The following CLVS1 variants were observed in gnomAD, a reference collection of about 807,000 sequenced individuals.
CLVS1 encodes the protein clavesin-1.
Under a neutral mutation model 33.1 loss-of-function variants are expected in CLVS1, and 10 were observed. The ratio of observed to expected loss-of-function variants is 0.30; its 90% CI spans 0.19 to 0.51. CLVS1 has a LOEUF of 0.51. Ranked by LOEUF, CLVS1 falls within the 20% of genes least tolerant of loss-of-function variation. The pLI, the probability that CLVS1 is intolerant of heterozygous loss-of-function variation, is 0.97. For synonymous variants in CLVS1, 163 were observed against 166.1 expected (o/e 0.98, Z 0.14); for missense variants, 343 against 433.4 (o/e 0.79, Z 1.85).
At chr8:61,487,837 CT>C (rs1455801527) in intron 5 of CLVS1, among the ~76,000 whole-genome samples, 2 of 152,224 alleles carry the variant, frequency 1.3e-5, no homozygotes, top group Non-Finnish European at 2.9e-5. Context: ...ACTAGCCATC[CT>C]TTTCAAACTC....
At chr8:61,406,006 T>C (rs894588861) in intron 3 of CLVS1, among the ~76,000 whole-genome samples, 2 of 152,332 alleles carry the variant, frequency 1.3e-5, no homozygotes, top group African/African-American at 4.8e-5. Context: ...AAAAATACTT[T>C]AAGGTGCCTG....
At chr8:61,092,274 A>G (rs1274549634) in intron 1 of CLVS1, among the ~76,000 whole-genome samples, 6 of 152,208 alleles carry the variant, frequency 3.9e-5, no homozygotes, top group Admixed American at 2.0e-4. Context: ...GAAACCAGGC[A>G]TGTAGGTTAT....
At chr8:61,437,475 T>C (rs1816374067) in intron 3 of CLVS1, among the ~76,000 whole-genome samples, 1 of 152,216 alleles carries the variant, frequency 6.6e-6, no homozygotes, top group African/African-American at 2.4e-5. Flanking sequence ...AGAAGCAATG[T>C]ATACTTAGCA....
At chr8:61,361,554 G>T (rs1159022697) in intron 2 of CLVS1, among the ~76,000 whole-genome samples, 1 of 152,124 alleles carries the variant, frequency 6.6e-6, no homozygotes, top group Admixed American at 6.6e-5. Context: ...AGCTCATTAG[G>T]TCAAATGGAT....
chr8:61,161,911 C>G (rs1585653463), intron 2 of CLVS1, among the ~76,000 whole-genome samples: 1 of 152,064 alleles, frequency 6.6e-6, no homozygotes, highest in Admixed American at 6.5e-5. Flanking sequence ...ATATATACAA[C>G]TTTTACCTGA....
chr8:61,270,304 G>A (rs1809407901), intron 2 of CLVS1, among the ~76,000 whole-genome samples: 1 of 152,126 alleles, frequency 6.6e-6, no homozygotes, highest in Non-Finnish European at 1.5e-5. Context: ...CTGTTTATAT[G>A]CTGGATTAGA....
At chr8:61,063,310 A>AGAGAGAGAGC (rs1585581099) in intron 1 of CLVS1, among the ~76,000 whole-genome samples, 2 of 145,340 alleles carry the variant, frequency 1.4e-5, no homozygotes, top group Non-Finnish European at 3.0e-5. Context: ...AGAGAGAGAG[A>AGAGAGAGAGC]ACAGTCATTT....
At chr8:61,224,169 CA>C (rs994650645) in intron 2 of CLVS1, among the ~76,000 whole-genome samples, 6 of 152,104 alleles carry the variant, frequency 3.9e-5, no homozygotes, top group African/African-American at 7.2e-5. Context: ...CTACCTCTGT[CA>C]ATTCATCTAT....
rs544687664 is a variant in CLVS1, at chr8:61,382,554, G to C, written c.630+5775G>C. Among the ~76,000 whole-genome samples the C allele has an allele frequency of 4.6e-5, 7 of 152,276 alleles. No individual in the cohort carries two copies. The South Asian group carries it at 1.5e-3, about 32-fold the overall frequency. ...AGCTGTATTTCAACAAGTCCTTCGG[G>C]TGATTTGCATGCATATTAAAGTTTG... is the stretch of plus-strand genomic sequence containing the variant. On this transcript the variant is annotated intron_variant, in intron 3 of 5. Transcript: ENST00000325897.
intron 2 of CLVS1, among the ~76,000 whole-genome samples, chr8:61,356,197 C>A (rs1812697858): frequency 6.6e-6 from 1 of 151,984 alleles, no homozygotes; most frequent in Non-Finnish European, 1.5e-5. Context: ...TGTTTTTTGG[C>A]TGCATAAATG....
chr8:61,044,226 G>C, the CLVS1 span, among the ~76,000 whole-genome samples: 1 of 152,168 alleles, frequency 6.6e-6, no homozygotes, highest in Non-Finnish European at 1.5e-5. Flanking sequence ...AGGAGTTACA[G>C]CATAGAACCT....
At chr8:61,308,388 A>G (rs576938284) in intron 2 of CLVS1, among the ~76,000 whole-genome samples, 1 of 152,152 alleles carries the variant, frequency 6.6e-6, no homozygotes, top group East Asian at 1.9e-4. Context: ...GAGTGGTTAG[A>G]TGTTTCAAAA....
At chr8:60,968,716 C>T in the CLVS1 span, among the ~76,000 whole-genome samples, 1 of 151,344 alleles carries the variant, frequency 6.6e-6, no homozygotes, top group South Asian at 2.1e-4. Context: ...TGGCAAAACC[C>T]CATCTCTACA....
intron 1 of CLVS1, among the ~76,000 whole-genome samples, chr8:61,118,497 T>C (rs1805788962): frequency 6.7e-6 from 1 of 149,874 alleles, no homozygotes; most frequent in Non-Finnish European, 1.5e-5. Context: ...CTGCTTTCTC[T>C]TGTGGGCATT....
intron 2 of CLVS1, among the ~76,000 whole-genome samples, chr8:61,157,035 C>A (rs1806664270): frequency 6.6e-6 from 1 of 152,256 alleles, no homozygotes; most frequent in South Asian, 2.1e-4. Context: ...CACACTTCAT[C>A]AATGCCAAAA....
chr8:61,466,863 G>T (rs111912770), intron 5 of CLVS1, among the ~76,000 whole-genome samples: 180 of 152,152 alleles, frequency 1.2e-3, no homozygotes, highest in African/African-American at 4.2e-3. Flanking sequence ...TGGCCAAGCT[G>T]GTCTCGAACT....
intron 2 of CLVS1, among the ~76,000 whole-genome samples, chr8:61,368,797 G>T (rs57128932): frequency 6.6e-6 from 1 of 152,274 alleles, no homozygotes; most frequent in East Asian, 1.9e-4. Flanking sequence ...TGATGCTGAG[G>T]CTTTGAATGC....
intron 1 of CLVS1, among the ~76,000 whole-genome samples, chr8:61,115,274 A>T (rs998237464): frequency 6.6e-6 from 1 of 152,216 alleles, no homozygotes; most frequent in African/African-American, 2.4e-5. Flanking sequence ...GAGATATTGT[A>T]TGCAAGGCAT....
At chr8:61,003,130 C>A in the CLVS1 span, among the ~76,000 whole-genome samples, 1 of 152,182 alleles carries the variant, frequency 6.6e-6, no homozygotes, top group African/African-American at 2.4e-5. Flanking sequence ...TCTAGAGGGA[C>A]TTGCTCTGGG....
Sources: gnomAD v4.1 joint callset for allele counts (sites outside exome capture counted in the v4.1 genomes callset) on GRCh38, gnomAD v4.1.1 for gene constraint, MANE v1.5 for transcripts, NCBI Gene and HGNC (gene_info 2026-07-23, HGNC 2026-07-21) for gene names.